The following CTNNA3 variants were observed in gnomAD, a reference collection of about 807,000 sequenced individuals.
CTNNA3 encodes the protein catenin alpha 3.
Under a neutral mutation model 95.7 loss-of-function variants are expected in CTNNA3, and 76 were observed. The ratio of observed to expected loss-of-function variants is 0.79; its 90% CI spans 0.66 to 0.96. CTNNA3 has a LOEUF of 0.96. Among genes scored for constraint, CTNNA3 ranks in the 40% least tolerant of loss-of-function variants. The pLI, the probability that CTNNA3 is intolerant of heterozygous loss-of-function variation, is 0.00. For missense variants in CTNNA3, 1,191 were observed against 1,089.8 expected (o/e 1.09, Z -1.31); for synonymous variants, 431 against 374.4 (o/e 1.15, Z -1.74).
At chr10:67,195,333 T>C (rs181729568) in intron 6 of CTNNA3, among the ~76,000 whole-genome samples, 1 of 152,004 alleles carries the variant, frequency 6.6e-6, no homozygotes, top group East Asian at 1.9e-4. Context: ...TCTTATTCAG[T>C]GGAGCTCTGG....
chr10:67,265,610 T>C (rs1351743681), intron 5 of CTNNA3, among the ~76,000 whole-genome samples: 1 of 152,108 alleles, frequency 6.6e-6, no homozygotes, highest in Non-Finnish European at 1.5e-5. Context: ...CTGCACTAGA[T>C]ACAAGCACCA....
intron 10 of CTNNA3, among the ~76,000 whole-genome samples, chr10:66,567,644 CGA>C (rs202113474): frequency 1.3e-4 from 20 of 151,832 alleles, no homozygotes; most frequent in African/African-American, 4.6e-4. Flanking sequence ...TAAAAATAAA[CGA>C]GAGAGAGAGG....
chr10:66,446,938 C>T (rs181239022), intron 11 of CTNNA3, among the ~76,000 whole-genome samples: 17,165 of 150,810 alleles, frequency 0.11, 1,414 homozygotes, highest in African/African-American at 0.23. Flanking sequence ...ATCGTCTCAG[C>T]CCAAAATCTC....
rs370806390 is a variant in CTNNA3, at chr10:66,651,414, G to C, written c.1282-29630C>G. On this transcript the variant is annotated intron_variant, in intron 9 of 17. Coordinates refer to ENST00000433211, the MANE Select transcript of CTNNA3 (RefSeq NM_013266.4). The stretch of plus-strand genomic sequence containing the variant: ...CAGCTGGCTTCCTCTAGTGGATCAC[G>C]TGCAGGATCCCTGGGCTGAGCTGCC... 5.3e-5 allele frequency among the ~76,000 whole-genome samples: 8 copies of C among 152,180 alleles called. No homozygotes were observed. In the East Asian group the frequency reaches 9.7e-4, roughly 18 times the overall value.
At chr10:66,303,773 T>G (rs1339580477) in intron 12 of CTNNA3, among the ~76,000 whole-genome samples, 1 of 152,086 alleles carries the variant, frequency 6.6e-6, no homozygotes, top group Non-Finnish European at 1.5e-5. Context: ...TTTTGTATTT[T>G]TAGTAGAGAC....
In CTNNA3 at chr10:67,657,719, C is replaced by T. The variant is rs564116599; in HGVS notation, c.-5-10201G>A. ...AATATTAGCCGGGAATTGTGGTGGG[C>T]GCCTGTAATCCCAGCTACTCGGGAG... On this transcript the variant is annotated intron_variant, in intron 1 of 17. Coordinates refer to ENST00000433211, the MANE Select transcript of CTNNA3 (RefSeq NM_013266.4). Among the ~76,000 whole-genome samples, 141 of 151,638 alleles carry T rather than the reference C, an allele frequency of 9.3e-4. 1 individual carries two copies. Among genetic ancestry groups the T allele is most frequent in the African/African-American group, 3.3e-3 (135 of 41,348 alleles).
At chr10:67,379,965 G>A (rs950514928) in intron 5 of CTNNA3, among the ~76,000 whole-genome samples, 22 of 142,414 alleles carry the variant, frequency 1.5e-4, no homozygotes, top group Non-Finnish European at 3.0e-4. Flanking sequence ...AGCTTGCAGT[G>A]AGCCGAGATC....
intron 11 of CTNNA3, among the ~76,000 whole-genome samples, chr10:66,445,086 T>C (rs1393078241): frequency 4.6e-5 from 7 of 151,974 alleles, no homozygotes. Context: ...GGCCATTACA[T>C]AATGGTAAAG....
chr10:66,783,657 T>C (rs975222988), intron 7 of CTNNA3, among the ~76,000 whole-genome samples: 4 of 152,178 alleles, frequency 2.6e-5, no homozygotes, highest in African/African-American at 9.7e-5. Context: ...GCAACGACTT[T>C]GTCTACAATA....
intron 1 of CTNNA3, among the ~76,000 whole-genome samples, chr10:67,744,675 T>C (rs866409176): frequency 3.4e-5 from 5 of 147,280 alleles, no homozygotes; most frequent in Admixed American, 6.8e-5. Flanking sequence ...AACTAAAGAG[T>C]TTCTGCACAG....
chr10:66,269,259 G>A (rs2091225627), intron 13 of CTNNA3, among the ~76,000 whole-genome samples: 1 of 152,186 alleles, frequency 6.6e-6, no homozygotes, highest in Admixed American at 6.5e-5. Flanking sequence ...TTTCCTTGAA[G>A]ACGGAGGCAA....
intron 3 of CTNNA3, among the ~76,000 whole-genome samples, chr10:67,565,863 T>A (rs1589433786): frequency 7.3e-6 from 1 of 136,432 alleles, no homozygotes; most frequent in Non-Finnish European, 1.6e-5. Flanking sequence ...TCTACCCAAA[T>A]GAAGCCAATA....
At chr10:67,440,807 G>A (rs1472114861) in intron 5 of CTNNA3, among the ~76,000 whole-genome samples, 1 of 151,856 alleles carries the variant, frequency 6.6e-6, no homozygotes, top group Non-Finnish European at 1.5e-5. Flanking sequence ...TCAAATACCT[G>A]GGAAGCCTTT....
At chr10:67,105,667 G>A (rs1006376255) in intron 7 of CTNNA3, among the ~76,000 whole-genome samples, 1 of 152,162 alleles carries the variant, frequency 6.6e-6, no homozygotes, top group Non-Finnish European at 1.5e-5. Flanking sequence ...AATTATCAGA[G>A]TGGAATGGCC....
At chr10:66,871,581 A>G (rs955500170) in intron 7 of CTNNA3, among the ~76,000 whole-genome samples, 5 of 141,404 alleles carry the variant, frequency 3.5e-5, no homozygotes, top group Non-Finnish European at 7.9e-5. Flanking sequence ...AAAAAAAAAA[A>G]AAAAAGTACT....
rs572331575 is a variant in CTNNA3 at position 65,954,274 on chromosome 10, T to C, written c.2400+12338A>G. On this transcript the variant is annotated intron_variant, in intron 17 of 17. Transcript: ENST00000433211. ...TAAATTTGTTTAAGTTCTTTGTAGATTCTGGATATTAGACCTTTGTCAGAT... is the reference window on the plus strand; with the variant it reads ...TAAATTTGTTTAAGTTCTTTGTAGACTCTGGATATTAGACCTTTGTCAGAT... 4.6e-5 allele frequency among the ~76,000 whole-genome samples: 7 copies of C among 152,362 alleles called. No individual in the cohort carries two copies. In the South Asian group the frequency reaches 1.4e-3, roughly 32 times the overall value.
intron 5 of CTNNA3, among the ~76,000 whole-genome samples, chr10:67,307,828 T>C (rs988664084): frequency 6.6e-6 from 1 of 152,068 alleles, no homozygotes; most frequent in Non-Finnish European, 1.5e-5. Flanking sequence ...TGGGTGGAAG[T>C]GGTAAGTGGC....
intron 9 of CTNNA3, among the ~76,000 whole-genome samples, chr10:66,674,548 G>A (rs1846779999): frequency 6.6e-6 from 1 of 151,690 alleles, no homozygotes; most frequent in Non-Finnish European, 1.5e-5. Flanking sequence ...TTGCATAGCA[G>A]TGTGTTTGCT....
intron 5 of CTNNA3, among the ~76,000 whole-genome samples, chr10:67,261,214 G>A (rs535287493): frequency 2.0e-5 from 3 of 152,120 alleles, no homozygotes; most frequent in African/African-American, 4.8e-5. Context: ...GCAAACAGAT[G>A]AGTTAAAATA....
Sources: gnomAD v4.1 joint callset for allele counts (sites outside exome capture counted in the v4.1 genomes callset) on GRCh38, gnomAD v4.1.1 for gene constraint, MANE v1.5 for transcripts, NCBI Gene and HGNC (gene_info 2026-07-23, HGNC 2026-07-21) for gene names.